The following IGSF11 variants were observed in gnomAD, a reference collection of about 807,000 sequenced individuals.
The protein encoded by IGSF11 is CXADR like 1.
Under a neutral mutation model 41.0 loss-of-function variants are expected in IGSF11, and 22 were observed. The ratio of observed to expected loss-of-function variants is 0.54; its 90% CI spans 0.38 to 0.77. The LOEUF (loss-of-function observed/expected upper bound fraction) is 0.77, where lower values mean the gene tolerates loss of function less well. IGSF11 is among the 30% of genes least tolerant of loss of function. IGSF11 has a pLI of 0.00. For synonymous variants in IGSF11, 219 were observed against 201.3 expected (o/e 1.09, Z -0.74); for missense variants, 444 against 530.8 (o/e 0.84, Z 1.61).
intron 1 of IGSF11, among the ~76,000 whole-genome samples, chr3:119,129,728 T>C (rs1274806188): frequency 2.6e-5 from 4 of 152,232 alleles, no homozygotes; most frequent in Non-Finnish European, 5.9e-5. Context: ...CTCATACCTG[T>C]AATCTCAATG....
chr3:119,136,202 T>G (rs533231186), intron 1 of IGSF11, among the ~76,000 whole-genome samples: 4 of 152,092 alleles, frequency 2.6e-5, no homozygotes, highest in South Asian at 2.1e-4. Context: ...CCCTAGTACT[T>G]AAAGTATAAT....
chr3:119,074,318 T>C (rs1473266801), intron 1 of IGSF11, among the ~76,000 whole-genome samples: 1 of 152,122 alleles, frequency 6.6e-6, no homozygotes, highest in East Asian at 1.9e-4. Flanking sequence ...ACTACATTCA[T>C]GGACCACAGT....
At chr3:119,106,898 C>T (rs1022457426), upstream of IGSF11, among the ~76,000 whole-genome samples, 1 of 152,162 alleles carries the variant, frequency 6.6e-6, no homozygotes, top group African/African-American at 2.4e-5. Context: ...TCATCCATGT[C>T]CCTACAAAGG....
chr3:118,958,821 G>A (rs1298298795), intron 1 of IGSF11, among the ~76,000 whole-genome samples: 1 of 152,216 alleles, frequency 6.6e-6, no homozygotes, highest in African/African-American at 2.4e-5. Context: ...TGAAACAGAA[G>A]TATAGACAAA....
chr3:119,001,329 T>A (rs1936815258), intron 1 of IGSF11, among the ~76,000 whole-genome samples: 1 of 151,696 alleles, frequency 6.6e-6, no homozygotes, highest in African/African-American at 2.4e-5. Context: ...GAATGTAAAT[T>A]CCACATGGGC....
intron 1 of IGSF11, among the ~76,000 whole-genome samples, chr3:119,111,515 A>T (rs1432345053): frequency 6.6e-6 from 1 of 152,132 alleles, no homozygotes; most frequent in Non-Finnish European, 1.5e-5. Context: ...AAAGTTTTCA[A>T]CTTCTTTGCC....
chr3:119,090,439 C>G (rs918845290), intron 1 of IGSF11, among the ~76,000 whole-genome samples: 3 of 152,064 alleles, frequency 2.0e-5, no homozygotes, highest in Non-Finnish European at 2.9e-5. Context: ...CAGTCCTAAG[C>G]AAAAAGAACA....
At chr3:118,989,306 A>T (rs1300687234) in intron 1 of IGSF11, among the ~76,000 whole-genome samples, 1 of 152,242 alleles carries the variant, frequency 6.6e-6, no homozygotes, top group Non-Finnish European at 1.5e-5. Flanking sequence ...ATCCACAAGA[A>T]GATGGCTAAA....
At chr3:118,915,938 T>C (rs1360801795) in intron 4 of IGSF11, among the ~76,000 whole-genome samples, 1 of 115,708 alleles carries the variant, frequency 8.6e-6, no homozygotes, top group Non-Finnish European at 1.7e-5. Flanking sequence ...CAGAAGAGAG[T>C]GGGGGCCGAT....
chr3:118,988,038 T>C (rs940286086), intron 1 of IGSF11, among the ~76,000 whole-genome samples: 11 of 152,098 alleles, frequency 7.2e-5, no homozygotes, highest in Non-Finnish European at 1.5e-4. Flanking sequence ...TAAACAAAGG[T>C]CTGAAGCAAA....
At chr3:118,990,518 G>T (rs542044594) in intron 1 of IGSF11, among the ~76,000 whole-genome samples, 2 of 152,288 alleles carry the variant, frequency 1.3e-5, no homozygotes, top group South Asian at 4.2e-4. Context: ...ATAGGAGATA[G>T]ACCTGGGAAT....
intron 4 of IGSF11, among the ~76,000 whole-genome samples, chr3:118,913,120 A>C (rs1254086043): frequency 1.3e-5 from 2 of 152,106 alleles, no homozygotes; most frequent in African/African-American, 2.4e-5. Context: ...CAAAAAAAAA[A>C]CCAGAATGCC....
chr3:118,950,387 G>C (rs1282898870), intron 1 of IGSF11, among the ~76,000 whole-genome samples: 1 of 152,000 alleles, frequency 6.6e-6, no homozygotes, highest in African/African-American at 2.4e-5. Context: ...AAACAATAAA[G>C]CATTATTCTA....
chr3:119,098,055 C>T (rs1461641590), intron 1 of IGSF11, among the ~76,000 whole-genome samples: 1 of 149,284 alleles, frequency 6.7e-6, no homozygotes, highest in East Asian at 2.0e-4. Context: ...ACACCTCAGC[C>T]TCCCAAAGTG....
At chr3:119,083,206 C>A (rs1010748906) in intron 1 of IGSF11, among the ~76,000 whole-genome samples, 9 of 146,828 alleles carry the variant, frequency 6.1e-5, no homozygotes, top group Admixed American at 1.4e-4. Flanking sequence ...GATCTTGCTG[C>A]GGCCTCGACT....
chr3:118,986,684 G>A (rs901862181), intron 1 of IGSF11, among the ~76,000 whole-genome samples: 1 of 152,036 alleles, frequency 6.6e-6, no homozygotes, highest in Non-Finnish European at 1.5e-5. Flanking sequence ...AGCTTAGAGG[G>A]GATAGTAAAC....
rs1480178389 is a variant in IGSF11, at chr3:118,935,309, T to C, written c.53-5034A>G. 1.4e-4 allele frequency among the ~76,000 whole-genome samples: 20 copies of C among 142,208 alleles called. No homozygotes were observed. In the Admixed American group the frequency reaches 1.4e-3, roughly 10 times the overall value. 93.3% of individuals were successfully genotyped at this position (142,208 alleles called of 152,430 possible). A position where few individuals can be genotyped will look rare whatever the true frequency, so the allele number is the denominator to read the frequency against. On this transcript the variant is annotated intron_variant, in intron 1 of 6. Transcript: ENST00000393775. Reference sequence around the variant, plus strand: ...ATATCAGGGTGTATATACATATATATATATATATATGTATATACACCCTGA... The same window carrying C: ...ATATCAGGGTGTATATACATATATACATATATATATGTATATACACCCTGA...
chr3:119,112,264 C>G (rs952797727), intron 1 of IGSF11, among the ~76,000 whole-genome samples: 2 of 152,194 alleles, frequency 1.3e-5, no homozygotes, highest in African/African-American at 2.4e-5. Flanking sequence ...GAGCTTCCCG[C>G]CTGCTTTGTT....
upstream of IGSF11, among the ~76,000 whole-genome samples, chr3:119,037,076 GGTTTTTA>G (rs1940943595): frequency 6.6e-6 from 1 of 151,972 alleles, no homozygotes; most frequent in South Asian, 2.1e-4. Flanking sequence ...CAAAAAGTGT[GGTTTTTA>G]AAAAAATTCA....
Sources: allele counts gnomAD v4.1 joint callset (sites outside exome capture counted in the v4.1 genomes callset), GRCh38; gene constraint gnomAD v4.1.1; transcripts MANE v1.5; gene names NCBI Gene and HGNC (gene_info 2026-07-23, HGNC 2026-07-21).